ZNF610: variants seen among roughly 807,000 people sequenced by gnomAD.
The protein encoded by ZNF610 is zinc finger protein 610.
Under a neutral mutation model 14.1 loss-of-function variants are expected in ZNF610, and 14 were observed. The observed-to-expected ratio is 0.99, with a 90% CI of 0.65 to 1.55. The LOEUF is 1.55. Ranked by LOEUF, ZNF610 falls within the 40% of genes most tolerant of loss-of-function variation. ZNF610 has a pLI of 0.00. For missense variants in ZNF610, 530 were observed against 558.0 expected, an observed-to-expected ratio of 0.95 and a Z score of 0.51; for synonymous variants, 185 against 187.6, an observed-to-expected ratio of 0.99 and a Z score of 0.11.
chr19:52,362,365 C>T (rs905048102), intron 5 of ZNF610, among the ~76,000 whole-genome samples: 6 of 152,184 alleles, frequency 3.9e-5, no homozygotes, highest in African/African-American at 1.4e-4. Flanking sequence ...GAGCCGAGAT[C>T]GCACCACTGC....
At chr19:52,364,666 A>T (rs1010466092) in intron 5 of ZNF610, among the ~76,000 whole-genome samples, 2 of 152,026 alleles carry the variant, frequency 1.3e-5, no homozygotes, top group Non-Finnish European at 2.9e-5. Context: ...GCCTTCCCCC[A>T]TGTGAGGTTC....
rs1568657313 is a variant in ZNF610 at position 52,366,832 on chromosome 19, C to T, written c.*65C>T. ...ACATTGGAGGACTCAGGAGAAAAAC[C>T]TTACAAATATCATAAATGTGGCAAA... On this transcript the variant is annotated 3_prime_UTR_variant, in exon 6 of 6. Coordinates refer to ENST00000403906, the MANE Select transcript of ZNF610 (RefSeq NM_001161425.2). The T allele has an allele frequency of 8.5e-6, 11 of 1,288,676 alleles. No individual in the cohort carries two copies. The highest frequency in any genetic ancestry group is 1.2e-5 in the Non-Finnish European group (11 of 926,648). The allele number at this position is 1,288,676 out of a possible 1,614,324, so 79.8% of individuals were successfully genotyped here.
chr19:52,364,893 T>G (rs1034251566), intron 5 of ZNF610, among the ~76,000 whole-genome samples: 1 of 152,160 alleles, frequency 6.6e-6, no homozygotes, highest in East Asian at 1.9e-4. Flanking sequence ...TTTTTTTCTT[T>G]AAGCACTTTC....
rs775036009 is a variant in ZNF610 at position 52,366,107 on chromosome 19, C to T, written c.729C>T (p.Arg243=). Residue 243 remains arginine (R), a synonymous_variant, in exon 6 of 6, where the codon CGC becomes CGT. Coordinates refer to ENST00000403906, the MANE Select transcript of ZNF610 (RefSeq NM_001161425.2). ...KCTECGKVFS[R]NSHLVEHWRI... is the part of the protein sequence containing the mutation. ...CTGAATGTGGCAAGGTCTTCAGTCG[C>T]AATTCACACCTTGTAGAACATTGGA... The T allele has an allele frequency of 1.9e-6, 3 of 1,613,530 alleles. No homozygotes were observed. The East Asian group carries it at 6.7e-5, about 36-fold the overall frequency.
At chr19:52,338,595 C>G (rs1158587402) in intron 1 of ZNF610, among the ~76,000 whole-genome samples, 1 of 152,202 alleles carries the variant, frequency 6.6e-6, no homozygotes, top group East Asian at 1.9e-4. Context: ...ACACAAGAAT[C>G]TCTTGATCCC....
upstream of ZNF610, among the ~76,000 whole-genome samples, chr19:52,333,997 C>A (rs931830398): frequency 4.6e-5 from 7 of 152,056 alleles, no homozygotes; most frequent in Non-Finnish European, 1.0e-4. Flanking sequence ...CAGCTCCCTG[C>A]AGAAAAGAAC....
At chr19:52,357,383 C>T (rs1247696658) in intron 5 of ZNF610, among the ~76,000 whole-genome samples, 2 of 152,084 alleles carry the variant, frequency 1.3e-5, no homozygotes, top group African/African-American at 2.4e-5. Flanking sequence ...CAGTGGCTCA[C>T]GCCTGTAATC....
chr19:52,358,910 C>T (rs1985654728), intron 5 of ZNF610, among the ~76,000 whole-genome samples: 1 of 152,208 alleles, frequency 6.6e-6, no homozygotes, highest in Admixed American at 6.5e-5. Context: ...AGACTGTCCT[C>T]TCTCGTTACA....
At chr19:52,345,148 A>C (rs916727530) in intron 1 of ZNF610, 3 of 152,200 alleles carry the variant, frequency 2.0e-5, no homozygotes, top group Non-Finnish European at 4.4e-5. Flanking sequence ...CAGTACAGTC[A>C]TCCCTCAGTA....
upstream of ZNF610, among the ~76,000 whole-genome samples, chr19:52,332,442 T>C (rs2122147587): frequency 6.6e-6 from 1 of 152,350 alleles, no homozygotes; most frequent in African/African-American, 2.4e-5. The surrounding 1 kb of genome is among the most constrained non-coding windows in gnomAD (Gnocchi z 4.1). Flanking sequence ...CAGTTTGTAC[T>C]GTATTTCTGC....
At chr19:52,338,113 G>A (rs530126038) in intron 1 of ZNF610, among the ~76,000 whole-genome samples, 31 of 152,318 alleles carry the variant, frequency 2.0e-4, no homozygotes, top group African/African-American at 6.5e-4. Flanking sequence ...TGTGGAGTTA[G>A]CCTCAGATTC....
intron 2 of ZNF610, among the ~76,000 whole-genome samples, chr19:52,348,742 G>C (rs1215893909): frequency 1.3e-5 from 2 of 152,148 alleles, no homozygotes; most frequent in African/African-American, 4.8e-5. Flanking sequence ...CATGGATACG[G>C]GGATTCCAGT....
chr19:52,338,820 C>T (rs1323032929), intron 1 of ZNF610, among the ~76,000 whole-genome samples: 2 of 152,042 alleles, frequency 1.3e-5, no homozygotes, highest in Admixed American at 6.6e-5. Context: ...GGGTGTTTCT[C>T]GTCAGGTGGA....
At chr19:52,343,777 C>T (rs1400141180) in intron 1 of ZNF610, among the ~76,000 whole-genome samples, 1 of 152,084 alleles carries the variant, frequency 6.6e-6, no homozygotes, top group East Asian at 1.9e-4. Context: ...TGAAGGCTAA[C>T]GGTGTGATCA....
At chr19:52,348,688 G>A (rs1420385960) in intron 2 of ZNF610, among the ~76,000 whole-genome samples, 2 of 152,230 alleles carry the variant, frequency 1.3e-5, no homozygotes, top group Non-Finnish European at 1.5e-5. Context: ...GGTCAGTACT[G>A]TTTGAGGTTC....
chr19:52,360,748 G>A (rs142897077), intron 5 of ZNF610, among the ~76,000 whole-genome samples: 595 of 152,282 alleles, frequency 3.9e-3, no homozygotes, highest in Non-Finnish European at 6.6e-3. Context: ...TGCATTCCAG[G>A]AGTGACTTTC....
chr19:52,339,791 C>T (rs1984585844), intron 1 of ZNF610, among the ~76,000 whole-genome samples: 1 of 152,176 alleles, frequency 6.6e-6, no homozygotes, highest in Non-Finnish European at 1.5e-5. Flanking sequence ...TCTCCAGTAG[C>T]TGGGATTACA....
At chr19:52,340,362 G>A (rs1038365604) in intron 1 of ZNF610, among the ~76,000 whole-genome samples, 4 of 152,172 alleles carry the variant, frequency 2.6e-5, no homozygotes, top group East Asian at 1.9e-4. Context: ...CAGCCTGGGC[G>A]ACAGTGAAAC....
chr19:52,333,692 G>T (rs1331977475), upstream of ZNF610, among the ~76,000 whole-genome samples: 2 of 152,128 alleles, frequency 1.3e-5, no homozygotes. Flanking sequence ...TTAAAAGCTA[G>T]GCATGTAAAA....
Sources: gnomAD v4.1 joint callset for allele counts (sites outside exome capture counted in the v4.1 genomes callset) on GRCh38, gnomAD v4.1.1 for gene constraint, Gnocchi (gnomAD v3.1) non-coding constraint, MANE v1.5 for transcripts, NCBI Gene and HGNC (gene_info 2026-07-23, HGNC 2026-07-21) for gene names.